Variants in TBXA2R observed in about 807,000 individuals in gnomAD.
TBXA2R encodes the protein thromboxane A2 receptor.
TBXA2R carries 15 observed loss-of-function variants against 15.6 expected under a neutral mutation model. That is an observed-to-expected ratio of 0.96 (90% CI 0.64 to 1.48). The LOEUF (loss-of-function observed/expected upper bound fraction) is 1.48. TBXA2R is among the 40% of genes most tolerant of loss of function. The pLI, the probability that TBXA2R is intolerant of heterozygous loss-of-function variation, is 0.00. For missense variants in TBXA2R, 506 were observed against 491.4 expected, an observed-to-expected ratio of 1.03 and a Z score of -0.28; for synonymous variants, 280 against 241.2, an observed-to-expected ratio of 1.16 and a Z score of -1.49.
rs879642243 is a variant in TBXA2R, at chr19:3,602,157, C to G, written c.-83-1440G>C. On this transcript the variant is annotated intron_variant, in intron 1 of 2. Transcript: ENST00000375190. ...AATAGCGTGAACCTGGGAGGAGGAG[C>G]TTGCAGTGAGCTGAGATCGTGCCAC... Among the ~76,000 whole-genome samples, 42 of 151,486 alleles carry G rather than the reference C, an allele frequency of 2.8e-4. 2 individuals are homozygous for G. Among genetic ancestry groups the G allele is most frequent in the Admixed American group, 2.5e-3 (38 of 15,210 alleles).
rs1316860655 is a variant in TBXA2R at position 3,599,931 on chromosome 19, C to T, written c.704G>A (p.Arg235His). 3 of 1,552,760 alleles carry T rather than the reference C, an allele frequency of 1.9e-6. No homozygotes were observed. The highest frequency in any genetic ancestry group is 1.2e-5 in the South Asian group (1 of 84,282). ...VYHGQEAAQQ[R>H]PRDSEVEMMA... ...CATCTCCACCTCGGAGTCCCGGGGA[C>T]GCTGCTGGGCCGCCTCCTGCCCGTG... Residue 235 changes from arginine (R) to histidine (H), a missense_variant, in exon 2 of 3, where the codon CGT becomes CAT. Arg to His is a conservative substitution (Grantham distance 29). Transcript: ENST00000375190.
At position 3,598,667 on chromosome 19, in the gene TBXA2R, GTTTGTT is replaced by G. The variant is rs557270133; in HGVS notation, c.786+1176_786+1181del. 4.7e-3 allele frequency among the ~76,000 whole-genome samples: 679 copies of G among 145,760 alleles called. 3 individuals are homozygous for G. The highest frequency in any genetic ancestry group is 7.0e-3 in the Admixed American group (102 of 14,608). ...GTGGCTGGCCTGTTTTTGTTTGTTT[GTTTGTT>G]TTTGTTTTTGTTTGAGGCGGAGTCT... On this transcript the variant is annotated intron_variant, in intron 2 of 2. Transcript: ENST00000375190.
Position 3,594,864 on chromosome 19 carries a change from G to A in TBXA2R, c.*824C>T, listed in dbSNP as rs201974658. ...ATCCTTTCTGGACAGAGCCTTCCCT[G>A]TTGGAGGTTCAAAAGGAAGCAACTG... On this transcript the variant is annotated 3_prime_UTR_variant, in exon 3 of 3. Coordinates refer to ENST00000375190, the MANE Select transcript of TBXA2R (RefSeq NM_001060.6). 1 of 1,536,828 alleles carries A rather than the reference G, an allele frequency of 6.5e-7. No homozygotes were observed. Among genetic ancestry groups the A allele is most frequent in the East Asian group, 2.4e-5 (1 of 40,930 alleles).
chr19:3,596,030 TTTTTAA>T (rs1308059138), intron 2 of TBXA2R, 97 bp from the exon 3 acceptor site: 2 of 1,445,188 alleles, frequency 1.4e-6, no homozygotes, highest in Admixed American at 4.0e-5. Context: ...TCCACTCCGT[TTTTTAA>T]TTTTATTTTT....
Position 3,600,493 on chromosome 19 carries a change from C to T in TBXA2R, c.142G>A (p.Val48Met), listed in dbSNP as rs1407861033. Residue 48 changes from valine to methionine, a missense_variant, in exon 2 of 3, where the codon GTG (valine) becomes ATG (methionine). Physicochemically the swap from Val to Met is conservative, Grantham distance 21. Coordinates refer to ENST00000375190, the MANE Select transcript of TBXA2R (RefSeq NM_001060.6). ...CCCCCCTGCCGCGCGCCCGCCAGCA[C>T]GCTCAGGGCCAGCAGGTTGGAGGCC... The part of the protein sequence containing the change: ...GLASNLLALS[V>M]LAGARQGGSH... 6.8e-6 allele frequency: 11 copies of T among 1,612,834 alleles called. No homozygotes were observed. The highest frequency in any genetic ancestry group is 7.6e-6 in the Non-Finnish European group (9 of 1,179,612).
chr19:3,598,729 C>T (rs189725552), intron 2 of TBXA2R, among the ~76,000 whole-genome samples: 409 of 151,474 alleles, frequency 2.7e-3, no homozygotes, highest in Non-Finnish European at 4.6e-3. Flanking sequence ...AGTGCAGTGA[C>T]GTGATCTCGG....
intron 2 of TBXA2R, 69 bp from the exon 3 acceptor site, chr19:3,596,002 GTCCCT>G: frequency 1.3e-6 from 2 of 1,536,910 alleles, no homozygotes; most frequent in South Asian, 1.2e-5. Context: ...CCTGCCCGGG[GTCCCT>G]TGAGATCCAG....
chr19:3,600,704 T>G lies in TBXA2R; in HGVS notation c.-70A>C, dbSNP rs199584749. On this transcript the variant is annotated 5_prime_UTR_variant, in exon 2 of 3. Coordinates refer to ENST00000375190, the MANE Select transcript of TBXA2R (RefSeq NM_001060.6). ...TGCTGCAGACAGGGCAGGCTGGCAC[T>G]GGTTCAGGCACACCTGGGAGGCGAG... The G allele has an allele frequency of 1.9e-4, 291 of 1,554,910 alleles. No individual in the cohort carries two copies. The highest frequency in any genetic ancestry group is 2.4e-4 in the Non-Finnish European group (278 of 1,139,860).
At chr19:3,604,166 G>A (rs1388821626) in intron 1 of TBXA2R, among the ~76,000 whole-genome samples, 1 of 152,178 alleles carries the variant, frequency 6.6e-6, no homozygotes, top group Non-Finnish European at 1.5e-5. Flanking sequence ...CAACTCCCAA[G>A]AGGCTGAGGT....
chr19:3,600,888 A>G (rs2032726293), intron 1 of TBXA2R, among the ~76,000 whole-genome samples, 171 bp from the exon 2 acceptor site: 1 of 123,334 alleles, frequency 8.1e-6, no homozygotes, highest in African/African-American at 3.3e-5. Context: ...GAGTGCAGTG[A>G]TGCAATCAAG....
intron 2 of TBXA2R, among the ~76,000 whole-genome samples, chr19:3,598,345 CTTTTCTTTTTT>C (rs1422421706): frequency 8.7e-6 from 1 of 115,390 alleles, no homozygotes; most frequent in Admixed American, 9.3e-5. Flanking sequence ...TCTTTCTTTT[CTTTTCTTTTTT>C]TTTTTTTTTT....
chr19:3,603,035 CAAA>C (rs397714160), intron 1 of TBXA2R, among the ~76,000 whole-genome samples: 7 of 135,870 alleles, frequency 5.2e-5, no homozygotes, highest in Non-Finnish European at 6.3e-5. Flanking sequence ...GACTCCATCT[CAAA>C]AAAAAAAAAA....
intron 2 of TBXA2R, among the ~76,000 whole-genome samples, chr19:3,597,170 G>A (rs1037951802): frequency 2.0e-5 from 3 of 150,962 alleles, no homozygotes; most frequent in Admixed American, 6.6e-5. Context: ...TTGAACTCCC[G>A]ACCTGAGGTG....
In TBXA2R at chr19:3,600,117, C is replaced by T. The variant is rs1471644694; in HGVS notation, c.518G>A (p.Arg173His). 1 of 1,611,494 alleles carries T rather than the reference C, an allele frequency of 6.2e-7. No homozygotes were observed. Among genetic ancestry groups the T allele is most frequent in the East Asian group, 2.2e-5 (1 of 44,860 alleles). ...GGACCCCGGGTATTGCACGGTGTAG[C>T]GACCCACGCCCAGCAGGGGCAGCAG... ...LGLLPLLGVG[R>H]YTVQYPGSWC... Residue 173 changes from arginine (R) to histidine (H), a missense_variant, in exon 2 of 3, where the codon CGC becomes CAC. Transcript: ENST00000375190.
chr19:3,603,001 C>A (rs113462322), intron 1 of TBXA2R, among the ~76,000 whole-genome samples: 13,941 of 151,310 alleles, frequency 0.092, 744 homozygotes, highest in African/African-American at 0.14. Flanking sequence ...GCGCCACTGC[C>A]CTCCAGCCTG....
In TBXA2R at chr19:3,600,200, C is replaced by G; in HGVS notation, c.435G>C (p.Ser145=). Reference sequence around the variant, plus strand: ...CCACGGTGGCCCAGGCGCGGCGCTGCGAGGCGACCGCCGGGCGCGAGAAGG... The same window carrying G: ...CCACGGTGGCCCAGGCGCGGCGCTGGGAGGCGACCGCCGGGCGCGAGAAGG... The part of the protein sequence containing the change: ...TRPFSRPAVA[S]QRRAWATVGL... The change falls in exon 2 of 3, where the codon TCG becomes TCC. Residue 145 remains serine, a synonymous_variant. Coordinates refer to ENST00000375190, the MANE Select transcript of TBXA2R (RefSeq NM_001060.6). 1 of 1,598,102 alleles carries G rather than the reference C, an allele frequency of 6.3e-7. No homozygotes were observed. The highest frequency in any genetic ancestry group is 8.5e-7 in the Non-Finnish European group (1 of 1,173,398).
rs1418705002 is a variant in TBXA2R, at chr19:3,595,719, G to C, written c.1001C>G (p.Pro334Arg). The C allele has an allele frequency of 1.3e-6, 2 of 1,598,900 alleles. No individual in the cohort carries two copies. Among genetic ancestry groups the C allele is most frequent in the East Asian group, 2.3e-5 (1 of 44,376 alleles). ...CAGCCCGGAGCGCTGCGTGAGCTGG[G>C]GCTGGAGGGACAGCGACCTGGGCCG... The part of the protein sequence containing the change: ...STRPRSLSLQ[P>R]QLTQRSGLQ Residue 334 changes from proline (P) to arginine (R), a missense_variant, in exon 3 of 3, where the codon CCC (proline) becomes CGC (arginine). Coordinates refer to ENST00000375190, the MANE Select transcript of TBXA2R (RefSeq NM_001060.6).
chr19:3,599,336 A>ATT (rs1010143681), intron 2 of TBXA2R, among the ~76,000 whole-genome samples: 1 of 35,752 alleles, frequency 2.8e-5, no homozygotes, highest in African/African-American at 1.1e-4. Flanking sequence ...TTTATTTTTT[A>ATT]TTTTTTTTTT....
At position 3,600,342 on chromosome 19, in the gene TBXA2R, A is replaced by C; in HGVS notation, c.293T>G (p.Val98Gly). 6.2e-7 allele frequency: 1 copy of C among 1,613,282 alleles called. No individual in the cohort carries two copies. Among genetic ancestry groups the C allele is most frequent in the Non-Finnish European group, 8.5e-7 (1 of 1,179,834 alleles). The change falls in exon 2 of 3, where the codon GTG becomes GGG. Residue 98 changes from valine to glycine, a missense_variant. Val to Gly is a moderately radical substitution (Grantham distance 109). Transcript: ENST00000375190. ...QHAALFEWHA[V>G]DPGCRLCRFM... ...GCGACAGAGACGGCAGCCAGGGTCC[A>C]CGGCGTGCCACTCGAAGAGCGCGGC... is the stretch of plus-strand genomic sequence containing the variant.
Sources: gnomAD v4.1 joint callset for allele counts (sites outside exome capture counted in the v4.1 genomes callset) on GRCh38, gnomAD v4.1.1 for gene constraint, MANE v1.5 for transcripts, NCBI Gene and HGNC (gene_info 2026-07-23, HGNC 2026-07-21) for gene names.